Variants in TBC1D23 observed in about 807,000 individuals in gnomAD.
TBC1D23 encodes TBC1 domain family member 23, also known as HCV non-structural protein 4A-transactivated protein 1.
A neutral mutation model predicts 91.4 loss-of-function variants in TBC1D23; 55 were observed. The observed-to-expected ratio is 0.60, with a 90% CI of 0.48 to 0.75. TBC1D23 has a LOEUF of 0.75. Ranked by LOEUF, TBC1D23 falls within the 30% of genes least tolerant of loss-of-function variation. The pLI, the probability that TBC1D23 is intolerant of heterozygous loss-of-function variation, is 0.00. For missense variants in TBC1D23, 725 were observed against 836.1 expected (o/e 0.87, Z 1.64); for synonymous variants, 289 against 281.0 (o/e 1.03, Z -0.28).
intron 1 of TBC1D23, among the ~76,000 whole-genome samples, chr3:100,275,300 T>G (rs940502414): frequency 6.6e-6 from 1 of 150,712 alleles, no homozygotes; most frequent in Non-Finnish European, 1.5e-5. Flanking sequence ...TGTAGCCTGT[T>G]TTTTGAGACA....
chr3:100,290,356 G>A (rs756921605), intron 4 of TBC1D23, among the ~76,000 whole-genome samples: 2 of 152,156 alleles, frequency 1.3e-5, no homozygotes, highest in Non-Finnish European at 2.9e-5. Context: ...TGCTGCCTGG[G>A]TTCACCTGTG....
In TBC1D23 at chr3:100,307,840, T is replaced by C. The variant is rs75114558; in HGVS notation, c.1413+1297T>C. ...CAGTTTTTTTCTGTTACAAACACTA[T>C]TTAATTTTTGTAGTGATAAATTTGC... On this transcript the variant is annotated intron_variant, in intron 13 of 18. Transcript: ENST00000394144. Among the ~76,000 whole-genome samples, 65 of 152,350 alleles carry C rather than the reference T, an allele frequency of 4.3e-4. 2 individuals carry two copies. In the South Asian group the frequency reaches 8.9e-3, roughly 21 times the overall value.
chr3:100,319,262 C>A, intron 17 of TBC1D23, 58 bp downstream of exon 17: 1 of 1,362,150 alleles, frequency 7.3e-7, no homozygotes, highest in African/African-American at 1.5e-5. Context: ...GTTAATAATA[C>A]AAAACTGAAC....
At chr3:100,285,548 T>A (rs1220989822) in intron 4 of TBC1D23, among the ~76,000 whole-genome samples, 2 of 152,258 alleles carry the variant, frequency 1.3e-5, no homozygotes, top group Non-Finnish European at 2.9e-5. Flanking sequence ...AACGTTCATA[T>A]ACAAGTTTTT....
At chr3:100,274,389 G>A (rs1486056970) in intron 1 of TBC1D23, among the ~76,000 whole-genome samples, 6 of 152,018 alleles carry the variant, frequency 3.9e-5, no homozygotes, top group South Asian at 4.1e-4. Context: ...TTTATAATAC[G>A]TTAAATAGAG....
At chr3:100,310,313 C>T in intron 13 of TBC1D23, 90 bp from the exon 14 acceptor site, 1 of 1,152,184 alleles carries the variant, frequency 8.7e-7, no homozygotes, top group South Asian at 1.5e-5. Context: ...GGTGGGATTG[C>T]AATTCAGTCT....
chr3:100,314,695 T>C (rs1705701617), intron 15 of TBC1D23, among the ~76,000 whole-genome samples: 1 of 152,184 alleles, frequency 6.6e-6, no homozygotes. Context: ...GAAGGATTGC[T>C]CCAGCCCAAG....
intron 16 of TBC1D23, among the ~76,000 whole-genome samples, chr3:100,318,327 T>C (rs1346055429): frequency 1.3e-5 from 2 of 152,116 alleles, no homozygotes; most frequent in African/African-American, 2.4e-5. Flanking sequence ...TTTTTACTTA[T>C]TTATCTCAGG....
chr3:100,288,936 C>G (rs1252653735), intron 4 of TBC1D23, among the ~76,000 whole-genome samples: 10 of 152,044 alleles, frequency 6.6e-5, no homozygotes, highest in African/African-American at 2.4e-4. Context: ...ACCTCTGGCC[C>G]GGCATGGTGG....
chr3:100,295,113 T>A lies in TBC1D23; in HGVS notation c.627T>A (p.Cys209Ter). 6.2e-7 allele frequency: 1 copy of A among 1,600,524 alleles called. No homozygotes were observed. The highest frequency in any genetic ancestry group is 8.5e-7 in the Non-Finnish European group (1 of 1,176,292). ...NWLGSLFACYCSTEVTQAIWD... is the reference protein window; with the variant it reads ...NWLGSLFACY Reference sequence around the variant, plus strand: ...TTGGAAGTCTTTTTGCATGTTACTGTTCCACTGAAGTCACTCAGGCAATAT... The same window carrying A: ...TTGGAAGTCTTTTTGCATGTTACTGATCCACTGAAGTCACTCAGGCAATAT... The change falls in exon 6 of 19, where the codon TGT becomes TGA. Residue 209 changes from cysteine (C) to a stop codon, truncating the protein, a stop_gained. Transcript: ENST00000394144. LOFTEE classifies it high-confidence loss of function.
Position 100,306,471 on chromosome 3 carries a change from T to A in TBC1D23, c.1341T>A (p.Asp447Glu). The change falls in exon 13 of 19, where the codon GAT (aspartate) becomes GAA (glutamate). Residue 447 changes from aspartate to glutamate, a missense_variant. Physicochemically the swap from Asp to Glu is conservative, Grantham distance 45. Transcript: ENST00000394144. Reference protein sequence around the residue: ...LQQHLADINVDGPENGYGHWI... With the variant: ...LQQHLADINVEGPENGYGHWI... ...AGCACCTGGCAGACATTAATGTGGA[T>A]GGACCAGAAAATGGATATGGCCATT... The A allele has an allele frequency of 6.2e-7, 1 of 1,612,900 alleles. No homozygotes were observed. The highest frequency in any genetic ancestry group is 8.5e-7 in the Non-Finnish European group (1 of 1,178,902).
At chr3:100,297,409 A>T (rs937878047) in intron 8 of TBC1D23, among the ~76,000 whole-genome samples, 1 of 152,200 alleles carries the variant, frequency 6.6e-6, no homozygotes, top group African/African-American at 2.4e-5. Context: ...GTTCCTAACA[A>T]TGCTGTATAA....
At chr3:100,321,083 T>C (rs1705850678) in intron 18 of TBC1D23, 112 bp downstream of exon 18, 1 of 755,526 alleles carries the variant, frequency 1.3e-6, no homozygotes, top group South Asian at 2.0e-5. Context: ...TGGAATAGGA[T>C]AGCTGAACCA....
At chr3:100,261,228 C>T (rs944153797) in intron 1 of TBC1D23, 157 bp downstream of exon 1, 3 of 665,518 alleles carry the variant, frequency 4.5e-6, no homozygotes, top group Admixed American at 2.7e-5. Flanking sequence ...AGCTGGGTGC[C>T]CCCTGCCTGC....
rs769813214 is a variant in TBC1D23, at chr3:100,296,293, A to G, written c.876+18A>G. 1.0e-5 allele frequency: 14 copies of G among 1,360,848 alleles called. No individual in the cohort carries two copies. Among genetic ancestry groups the G allele is most frequent in the Admixed American group, 2.0e-5 (1 of 49,868 alleles). 84.3% of individuals were successfully genotyped at this position (1,360,848 alleles called of 1,614,324 possible). A position where few individuals can be genotyped will look rare whatever the true frequency, so the allele number is the denominator to read the frequency against. On this transcript the variant is annotated intron_variant, in intron 8 of 18. Coordinates refer to ENST00000394144, the MANE Select transcript of TBC1D23 (RefSeq NM_001199198.3). ...TTAGGAAGGTATAAGACCAGAAATG[A>G]CCAACTATGTTGTATTTCATATTTT...
At chr3:100,297,348 C>G (rs1322059076) in intron 8 of TBC1D23, among the ~76,000 whole-genome samples, 1 of 152,124 alleles carries the variant, frequency 6.6e-6, no homozygotes, top group Non-Finnish European at 1.5e-5. Flanking sequence ...AGACTTATTT[C>G]TAGGGACCAG....
At chr3:100,269,389 T>C (rs2067583488) in intron 1 of TBC1D23, among the ~76,000 whole-genome samples, 2 of 152,230 alleles carry the variant, frequency 1.3e-5, no homozygotes, top group Non-Finnish European at 2.9e-5. Context: ...TATAAATTTG[T>C]AACTTGTTAA....
Position 100,283,760 on chromosome 3 carries a change from G to T in TBC1D23, c.425G>T (p.Arg142Leu), listed in dbSNP as rs111456348. ...LKPLVHLQLPRSDLYNCFYAI... is the reference protein window; with the variant it reads ...LKPLVHLQLPLSDLYNCFYAI... Reference sequence around the variant, plus strand: ...CCATTGGTGCATCTTCAACTGCCACGCAGCGATTTATACAACTGCTTTTAT... The same window carrying T: ...CCATTGGTGCATCTTCAACTGCCACTCAGCGATTTATACAACTGCTTTTAT... Residue 142 changes from arginine to leucine, a missense_variant, in exon 4 of 19, where the codon CGC becomes CTC. By Grantham distance (102) the Arg-to-Leu change is moderately radical. Transcript: ENST00000394144. 5 of 1,613,254 alleles carry T rather than the reference G, an allele frequency of 3.1e-6. No individual in the cohort carries two copies. The highest frequency in any genetic ancestry group is 4.5e-5 in the East Asian group (2 of 44,858).
At chr3:100,282,006 T>C (rs762852971) in intron 3 of TBC1D23, among the ~76,000 whole-genome samples, 159 bp downstream of exon 3, 4 of 152,338 alleles carry the variant, frequency 2.6e-5, no homozygotes, top group Non-Finnish European at 5.9e-5. Context: ...ATATTGTCTA[T>C]TAATTTTAAG....
Sources: gnomAD v4.1 joint callset for allele counts (sites outside exome capture counted in the v4.1 genomes callset) on GRCh38, gnomAD v4.1.1 for gene constraint, MANE v1.5 for transcripts, NCBI Gene and HGNC (gene_info 2026-07-23, HGNC 2026-07-21) for gene names.